Variants in CEP170B observed in about 807,000 individuals in gnomAD.
The protein encoded by CEP170B is centrosomal protein of 170 kDa protein B.
CEP170B carries 55 observed loss-of-function variants against 120.6 expected under a neutral mutation model. The ratio of observed to expected loss-of-function variants is 0.46; its 90% CI spans 0.37 to 0.57. CEP170B has a LOEUF of 0.57. Ranked by LOEUF, CEP170B falls within the 20% of genes least tolerant of loss-of-function variation. The pLI is 0.00. For synonymous variants in CEP170B, 1,033 were observed against 954.5 expected, an observed-to-expected ratio of 1.08 and a Z score of -1.52; for missense variants, 2,212 against 2,253.3, an observed-to-expected ratio of 0.98 and a Z score of 0.37.
intron 2 of CEP170B, among the ~76,000 whole-genome samples, chr14:104,869,321 T>C (rs972795069): frequency 2.0e-5 from 3 of 152,186 alleles, no homozygotes; most frequent in African/African-American, 4.8e-5. Context: ...TGGATGGCAC[T>C]GTCCAGTCTA....
At chr14:104,875,205 TC>T (rs1299194653) in intron 2 of CEP170B, among the ~76,000 whole-genome samples, 2 of 152,222 alleles carry the variant, frequency 1.3e-5, no homozygotes, top group African/African-American at 4.8e-5. Flanking sequence ...AGGAGGGACT[TC>T]CAGCTCCTAG....
At chr14:104,876,368 T>TTCAGCCCTGGCCC in intron 3 of CEP170B, 23 bp downstream of exon 3, 1 of 1,549,266 alleles carries the variant, frequency 6.5e-7, no homozygotes, top group Admixed American at 2.0e-5. Context: ...GGCCCTGGCC[T>TTCAGCCCTGGCCC]GGCCTTTTAA....
chr14:104,887,504 C>T lies in CEP170B; in HGVS notation c.3265C>T (p.Pro1089Ser), dbSNP rs1202810911. Reference protein sequence around the residue: ...RRKPAAPPPSPAAREEQSRSS... With the variant: ...RRKPAAPPPSSAAREEQSRSS... Reference sequence around the variant, plus strand: ...GAAACCAGCGGCCCCACCGCCATCCCCAGCTGCCCGGGAGGAGCAGAGCCG... The same window carrying T: ...GAAACCAGCGGCCCCACCGCCATCCTCAGCTGCCCGGGAGGAGCAGAGCCG... The change falls in exon 12 of 19, where the codon CCA (proline) becomes TCA (serine). Residue 1089 changes from proline to serine, a missense_variant. By Grantham distance (74) the Pro-to-Ser change is moderately conservative (BLOSUM62 -1). Transcript: ENST00000414716. 1 of 1,611,884 alleles carries T rather than the reference C, an allele frequency of 6.2e-7. No homozygotes were observed. The highest frequency in any genetic ancestry group is 1.7e-5 in the Admixed American group (1 of 59,982).
chr14:104,893,087 C>A lies in CEP170B; in HGVS notation c.3990C>A (p.Leu1330=). 1 of 1,607,958 alleles carries A rather than the reference C, an allele frequency of 6.2e-7. No homozygotes were observed. The highest frequency in any genetic ancestry group is 2.2e-5 in the East Asian group (1 of 44,700). Residue 1330 remains leucine, a synonymous_variant, in exon 14 of 19, where the codon CTC becomes CTA. Coordinates refer to ENST00000414716, the MANE Select transcript of CEP170B (RefSeq NM_001112726.3). ...CGGAGCCTGCCCACAGCGCCTCCCTCAGCAACATGCCCAGCACCCCCGCCT... is the reference window on the plus strand; with the variant it reads ...CGGAGCCTGCCCACAGCGCCTCCCTAAGCAACATGCCCAGCACCCCCGCCT... ...GSSEPAHSAS[L]SNMPSTPAST...
chr14:104,871,999 A>C (rs1036534633), intron 2 of CEP170B, among the ~76,000 whole-genome samples: 1 of 152,364 alleles, frequency 6.6e-6, no homozygotes, highest in East Asian at 1.9e-4. Context: ...CAAGCCTGGC[A>C]CAGAGCTGGT....
At position 104,868,366 on chromosome 14, in the gene CEP170B, T is replaced by C; in HGVS notation, c.-27-58T>C. On this transcript the variant is annotated intron_variant, in intron 1 of 18. Coordinates refer to ENST00000414716, the MANE Select transcript of CEP170B (RefSeq NM_001112726.3). The surrounding 1 kb of genome is among the most constrained non-coding windows in gnomAD (Gnocchi z 5.9). ...GGATCTGGGCTGGGCCTTGGATGTGTCCAGGGGGCTAAGAACCAGGCCAGG... is the reference window on the plus strand; with the variant it reads ...GGATCTGGGCTGGGCCTTGGATGTGCCCAGGGGGCTAAGAACCAGGCCAGG... 4 of 1,251,846 alleles carry C rather than the reference T, an allele frequency of 3.2e-6. No individual in the cohort carries two copies. Among genetic ancestry groups the C allele is most frequent in the Non-Finnish European group, 4.5e-6 (4 of 892,132 alleles). 77.5% of individuals were successfully genotyped at this position (1,251,846 alleles called of 1,614,324 possible).
chr14:104,876,183 C>A, intron 2 of CEP170B, 73 bp from the exon 3 acceptor site: 1 of 1,381,612 alleles, frequency 7.2e-7, no homozygotes, highest in Non-Finnish European at 1.0e-6. Context: ...GGGGATGGAG[C>A]AGGGGTGCCT....
intron 11 of CEP170B, 55 bp from the exon 12 acceptor site, chr14:104,886,220 C>G: frequency 6.8e-7 from 1 of 1,471,308 alleles, no homozygotes. Context: ...TCTTCCTGAG[C>G]GTGGAGGGCC....
intron 9 of CEP170B, among the ~76,000 whole-genome samples, chr14:104,885,088 C>T (rs575470246): frequency 4.6e-5 from 7 of 151,884 alleles, no homozygotes; most frequent in South Asian, 4.1e-4. Flanking sequence ...GGTGGGCGGA[C>T]GTTGTCCTGC....
chr14:104,883,425 C>G lies in CEP170B; in HGVS notation c.968C>G (p.Pro323Arg), dbSNP rs371248716. The change falls in exon 8 of 19, where the codon CCG becomes CGG. Residue 323 changes from proline (P) to arginine (R), a missense_variant. This residue lies in a region of CEP170B where 2,166 missense variants were observed against 2,166.7 expected (regional missense o/e 1.00). Coordinates refer to ENST00000414716, the MANE Select transcript of CEP170B (RefSeq NM_001112726.3). The part of the protein sequence containing the change: ...KVADWLVQND[P>R]SLLHRVGPGD... ...GCCGACTGGCTGGTGCAGAATGACC[C>G]GAGCCTGCTGCACCGGGTTGGCCCT... 8.9e-6 allele frequency: 14 copies of G among 1,572,326 alleles called. No individual in the cohort carries two copies. The highest frequency in any genetic ancestry group is 1.2e-5 in the Non-Finnish European group (14 of 1,160,424).
rs546871991 is a variant in CEP170B, at chr14:104,895,723, G to T, written c.*765G>T. The T allele has an allele frequency of 1.3e-5, 2 of 152,814 alleles. No individual in the cohort carries two copies. Among genetic ancestry groups the T allele is most frequent in the East Asian group, 3.9e-4 (2 of 5,194 alleles). The allele number at this position is 152,814 out of a possible 1,614,324, so 9.5% of individuals were successfully genotyped here. ...GCCTCCACGCTGCACCGTGAGGACTGCAGGGCATGTCCCCGTGAGGGGCTA... is the reference window on the plus strand; with the variant it reads ...GCCTCCACGCTGCACCGTGAGGACTTCAGGGCATGTCCCCGTGAGGGGCTA... On this transcript the variant is annotated 3_prime_UTR_variant, in exon 19 of 19. Coordinates refer to ENST00000414716, the MANE Select transcript of CEP170B (RefSeq NM_001112726.3).
At position 104,878,745 on chromosome 14, in the gene CEP170B, G is replaced by A. The variant is rs374026981; in HGVS notation, c.333+244G>A. On this transcript the variant is annotated intron_variant, in intron 5 of 18. Coordinates refer to ENST00000414716, the MANE Select transcript of CEP170B (RefSeq NM_001112726.3). Reference sequence around the variant, plus strand: ...TGACAGGTGGCGGGGGCACCGGGACGCGGGTGCCACTGTTGTGGATGCAGC... The same window carrying A: ...TGACAGGTGGCGGGGGCACCGGGACACGGGTGCCACTGTTGTGGATGCAGC... Among the ~76,000 whole-genome samples, 334 of 152,348 alleles carry A rather than the reference G, an allele frequency of 2.2e-3. 1 individual carries two copies. The highest frequency in any genetic ancestry group is 7.7e-3 in the African/African-American group (319 of 41,588).
chr14:104,874,507 A>G (rs1290540887), intron 2 of CEP170B, among the ~76,000 whole-genome samples: 1 of 151,926 alleles, frequency 6.6e-6, no homozygotes, highest in Non-Finnish European at 1.5e-5. Flanking sequence ...TTTCTGGGAA[A>G]CCACGGGCTG....
chr14:104,886,137 G>A lies in CEP170B; in HGVS notation c.2035+7G>A. On this transcript the variant is annotated splice_region_variant and intron_variant, in intron 11 of 18. Transcript: ENST00000414716. ...TCAGACCCGGGCCTCACAGGTAAGT[G>A]GCTCCAGTGCTGCGGGGGAGTCGGG... The A allele has an allele frequency of 6.5e-7, 1 of 1,532,116 alleles. No homozygotes were observed. Among genetic ancestry groups the A allele is most frequent in the Non-Finnish European group, 8.8e-7 (1 of 1,140,598 alleles). 94.9% of individuals were successfully genotyped at this position (1,532,116 alleles called of 1,614,324 possible).
In CEP170B at chr14:104,886,288, A is replaced by G; in HGVS notation, c.2049A>G (p.Gly683=). 3.2e-6 allele frequency: 5 copies of G among 1,542,108 alleles called. No homozygotes were observed. Among genetic ancestry groups the G allele is most frequent in the Non-Finnish European group, 4.3e-6 (5 of 1,150,116 alleles). The change falls in exon 12 of 19, where the codon GGA becomes GGG. Residue 683 remains glycine (G), a synonymous_variant. Transcript: ENST00000414716. ...TGTGCTCCACAGAGGATGGCCTGGGACGTAGAGGCGGGGAGCCGGAGGGGT... is the reference window on the plus strand; with the variant it reads ...TGTGCTCCACAGAGGATGGCCTGGGGCGTAGAGGCGGGGAGCCGGAGGGGT... ...SDPGLTEDGL[G]RRGGEPEGSL... is the part of the protein sequence containing the mutation.
intron 10 of CEP170B, 23 bp downstream of exon 10, chr14:104,885,565 C>T (rs767627411): frequency 1.0e-4 from 159 of 1,538,054 alleles, no homozygotes; most frequent in Non-Finnish European, 1.3e-4. Context: ...ACGGCCACCC[C>T]AAGGAGGGGC....
intron 5 of CEP170B, among the ~76,000 whole-genome samples, chr14:104,879,793 G>A (rs1300921417): frequency 1.3e-5 from 2 of 152,182 alleles, no homozygotes; most frequent in African/African-American, 4.8e-5. Flanking sequence ...AGGTGGGAAC[G>A]GCATCTCCTC....
At position 104,891,604 on chromosome 14, in the gene CEP170B, C is replaced by T. The variant is rs185070046; in HGVS notation, c.3879-1372C>T. 1.6e-4 allele frequency among the ~76,000 whole-genome samples: 24 copies of T among 151,912 alleles called. 1 individual carries two copies. In the East Asian group the frequency reaches 4.3e-3, roughly 27 times the overall value. ...GCATAGGGAAGAAGGCTGCCATCAG[C>T]GGAGGAGGCTAGCACAGGGCTAGGG... On this transcript the variant is annotated intron_variant, in intron 13 of 18. Transcript: ENST00000414716. This position sits in a 1 kb window ranked among gnomAD's most constrained non-coding sequence, Gnocchi z 4.3.
Position 104,865,394 on chromosome 14 carries a change from G to T in CEP170B, c.-147G>T, listed in dbSNP as rs1389030324. On this transcript the variant is annotated 5_prime_UTR_variant, in exon 1 of 19. Transcript: ENST00000414716. The surrounding 1 kb of genome is among the most constrained non-coding windows in gnomAD (Gnocchi z 6.7). ...GGCGGCCCCGCCCAGCGCTCGGCCG[G>T]GCGGGCGGGCGGGCGCGAGGGCAGG... 6.7e-6 allele frequency: 1 copy of T among 148,800 alleles called. No homozygotes were observed. Among genetic ancestry groups the T allele is most frequent in the Non-Finnish European group, 1.5e-5 (1 of 66,810 alleles). The allele number at this position is 148,800 out of a possible 1,614,324, so 9.2% of individuals were successfully genotyped here.
Sources: gnomAD v4.1 joint callset for allele counts (sites outside exome capture counted in the v4.1 genomes callset) on GRCh38, gnomAD v4.1.1 for gene constraint, gnomAD v4.1.1 regional missense constraint, Gnocchi (gnomAD v3.1) non-coding constraint, MANE v1.5 for transcripts, NCBI Gene and HGNC (gene_info 2026-07-23, HGNC 2026-07-21) for gene names.